MDGA2: variants seen among roughly 807,000 people sequenced by gnomAD.
MDGA2 encodes the protein MAM domain containing glycosylphosphatidylinositol anchor 2.
In MDGA2, 40 loss-of-function variants were observed where a neutral mutation model predicts 117.8. That is an observed-to-expected ratio of 0.34 (90% CI 0.26 to 0.44). MDGA2 has a LOEUF of 0.44. Ranked by LOEUF, MDGA2 falls within the 20% of genes least tolerant of loss-of-function variation. The probability of loss-of-function intolerance (pLI) is 1.00; values close to 1 mark genes in which losing one functional copy is unlikely to be tolerated. For synonymous variants in MDGA2, 452 were observed against 439.0 expected, an observed-to-expected ratio of 1.03 and a Z score of -0.37; for missense variants, 1,123 against 1,250.6, an observed-to-expected ratio of 0.90 and a Z score of 1.54.
chr14:47,429,091 G>C (rs1313186565), intron 1 of MDGA2, among the ~76,000 whole-genome samples: 2 of 151,794 alleles, frequency 1.3e-5, no homozygotes, highest in Admixed American at 1.3e-4. Context: ...CAGGCGTAGT[G>C]GCGGGTGCCT....
At chr14:47,624,824 A>G (rs959978507) in intron 1 of MDGA2, among the ~76,000 whole-genome samples, 1 of 152,220 alleles carries the variant, frequency 6.6e-6, no homozygotes, top group Non-Finnish European at 1.5e-5. Context: ...GTACATAGAA[A>G]TAAAGAGACT....
At chr14:47,572,918 T>C (rs1159408531) in intron 1 of MDGA2, among the ~76,000 whole-genome samples, 1 of 152,208 alleles carries the variant, frequency 6.6e-6, no homozygotes, top group East Asian at 1.9e-4. Flanking sequence ...AATTTTAATA[T>C]AAATGCTCTT....
At chr14:46,999,438 C>T (rs1372312359) in intron 8 of MDGA2, among the ~76,000 whole-genome samples, 1 of 151,826 alleles carries the variant, frequency 6.6e-6, no homozygotes, top group Non-Finnish European at 1.5e-5. Flanking sequence ...CAAATAGGCA[C>T]AAAATTACTA....
At chr14:47,669,149 A>T (rs1008799130) in intron 1 of MDGA2, among the ~76,000 whole-genome samples, 3 of 152,232 alleles carry the variant, frequency 2.0e-5, no homozygotes, top group African/African-American at 7.2e-5. Context: ...ACATCCTTGC[A>T]GAAAAGTTTA....
intron 1 of MDGA2, among the ~76,000 whole-genome samples, chr14:47,310,319 G>C (rs985933082): frequency 6.6e-6 from 1 of 152,094 alleles, no homozygotes; most frequent in Non-Finnish European, 1.5e-5. Context: ...TGCCAGAGAA[G>C]AACCATGGGC....
intron 3 of MDGA2, among the ~76,000 whole-genome samples, chr14:47,185,319 C>A (rs1037550806): frequency 6.6e-6 from 1 of 151,156 alleles, no homozygotes; most frequent in African/African-American, 2.4e-5. Context: ...AAACTATATG[C>A]CAGGTGGTGT....
At chr14:47,535,450 C>A (rs1210873834) in intron 1 of MDGA2, among the ~76,000 whole-genome samples, 2 of 152,180 alleles carry the variant, frequency 1.3e-5, no homozygotes, top group Non-Finnish European at 2.9e-5. Flanking sequence ...GGCAAAGGGG[C>A]TGCTTTTGTG....
At chr14:47,312,968 C>T (rs1327026002) in intron 1 of MDGA2, among the ~76,000 whole-genome samples, 1 of 149,664 alleles carries the variant, frequency 6.7e-6, no homozygotes, top group Non-Finnish European at 1.5e-5. Context: ...ATACAAACTG[C>T]TAATTAATAT....
chr14:46,899,998 C>A (rs963963427), intron 10 of MDGA2, among the ~76,000 whole-genome samples: 1 of 151,966 alleles, frequency 6.6e-6, no homozygotes, highest in Non-Finnish European at 1.5e-5. Flanking sequence ...GTAGTCACTA[C>A]TTGAAAATAC....
chr14:47,172,553 C>A (rs1594692518), intron 3 of MDGA2, among the ~76,000 whole-genome samples: 1 of 152,278 alleles, frequency 6.6e-6, no homozygotes, highest in African/African-American at 2.4e-5. Context: ...TGGAGTGGAC[C>A]TCTAGCAAAC....
rs188388880 is a variant in MDGA2 at position 47,339,738 on chromosome 14, G to A, written c.281-38188C>T. On this transcript the variant is annotated intron_variant, in intron 1 of 16. Coordinates refer to ENST00000399232, the MANE Select transcript of MDGA2 (RefSeq NM_001113498.3). ...TCTTGTACAGCTTGCGGAACAATGA[G>A]CCAAATAAACCTCTTTACTTTCTGA... Among the ~76,000 whole-genome samples, 6 of 152,252 alleles carry A rather than the reference G, an allele frequency of 3.9e-5. No individual in the cohort carries two copies. The East Asian group carries it at 1.2e-3, about 29-fold the overall frequency.
intron 1 of MDGA2, among the ~76,000 whole-genome samples, chr14:47,531,492 T>C (rs1895099941): frequency 6.6e-6 from 1 of 152,160 alleles, no homozygotes; most frequent in African/African-American, 2.4e-5. Flanking sequence ...CATTAGAAAA[T>C]GTATTATTAT....
intron 8 of MDGA2, among the ~76,000 whole-genome samples, chr14:47,012,557 T>C (rs963663305): frequency 2.6e-5 from 4 of 152,290 alleles, no homozygotes; most frequent in South Asian, 2.1e-4. Context: ...AAAATACATG[T>C]ACATTTGGAG....
intron 1 of MDGA2, among the ~76,000 whole-genome samples, chr14:47,610,997 G>T (rs891684337): frequency 9.9e-5 from 15 of 152,036 alleles, no homozygotes; most frequent in African/African-American, 3.6e-4. Context: ...GCATGGTACT[G>T]GTATAAAAAT....
At chr14:47,282,529 C>T (rs1274429379) in intron 2 of MDGA2, among the ~76,000 whole-genome samples, 15 of 151,554 alleles carry the variant, frequency 9.9e-5, no homozygotes, top group Admixed American at 9.9e-4. Context: ...AATAAACACA[C>T]ACACACACAC....
intron 5 of MDGA2, among the ~76,000 whole-genome samples, chr14:47,101,075 C>CGATAGATAGATAGATA (rs57541385): frequency 5.0e-4 from 70 of 140,222 alleles, no homozygotes; most frequent in South Asian, 9.1e-4. Flanking sequence ...AATGGAGGGA[C>CGATAGATAGATAGATA]GATAGATAGA....
chr14:47,276,459 T>G (rs1888314558), intron 2 of MDGA2, among the ~76,000 whole-genome samples: 1 of 152,170 alleles, frequency 6.6e-6, no homozygotes, highest in South Asian at 2.1e-4. Context: ...ATTAAGGTGG[T>G]CAGATAAACC....
At chr14:47,651,862 G>T (rs1447489518) in intron 1 of MDGA2, among the ~76,000 whole-genome samples, 1 of 152,184 alleles carries the variant, frequency 6.6e-6, no homozygotes, top group Non-Finnish European at 1.5e-5. Flanking sequence ...GTGGACCTGG[G>T]TGACTTAATG....
intron 3 of MDGA2, among the ~76,000 whole-genome samples, chr14:47,147,689 G>T (rs1435606577): frequency 2.6e-5 from 4 of 152,126 alleles, no homozygotes; most frequent in Non-Finnish European, 4.4e-5. Flanking sequence ...GGATCTAACT[G>T]GTGCACTGCA....
Sources: allele counts gnomAD v4.1 joint callset (sites outside exome capture counted in the v4.1 genomes callset), GRCh38; gene constraint gnomAD v4.1.1; transcripts MANE v1.5; gene names NCBI Gene and HGNC (gene_info 2026-07-23, HGNC 2026-07-21).